The following RIMS4 variants were observed in gnomAD, a reference collection of about 807,000 sequenced individuals.
RIMS4 encodes regulating synaptic membrane exocytosis 4.
RIMS4 carries 9 observed loss-of-function variants against 29.0 expected under a neutral mutation model. The observed-to-expected ratio is 0.31, with a 90% CI of 0.19 to 0.54. The LOEUF (loss-of-function observed/expected upper bound fraction) is 0.54, where lower values mean the gene tolerates loss of function less well. Among genes scored for constraint, RIMS4 ranks in the 20% least tolerant of loss-of-function variants. RIMS4 has a pLI of 0.94. For missense variants in RIMS4, 193 were observed against 365.7 expected (o/e 0.53, Z 3.85); for synonymous variants, 130 against 152.9 (o/e 0.85, Z 1.10).
intron 1 of RIMS4, among the ~76,000 whole-genome samples, chr20:44,801,962 G>T (rs554070285): frequency 4.6e-5 from 7 of 152,186 alleles, no homozygotes; most frequent in Non-Finnish European, 8.8e-5. Context: ...AGGGTCCCTG[G>T]ATCAGTACCA....
chr20:44,788,186 C>T (rs1432474973), intron 1 of RIMS4, among the ~76,000 whole-genome samples: 1 of 152,176 alleles, frequency 6.6e-6, no homozygotes, highest in Non-Finnish European at 1.5e-5. Context: ...CTCAAGGTCT[C>T]ACAGCTCAGC....
At chr20:44,776,099 C>G (rs1188704006) in intron 1 of RIMS4, among the ~76,000 whole-genome samples, 8 of 151,844 alleles carry the variant, frequency 5.3e-5, no homozygotes, top group African/African-American at 1.9e-4. Flanking sequence ...GGCAACATAG[C>G]GAAACCCCAC....
intron 1 of RIMS4, among the ~76,000 whole-genome samples, chr20:44,799,680 G>A (rs1321688452): frequency 3.3e-5 from 5 of 152,202 alleles, no homozygotes; most frequent in African/African-American, 1.2e-4. Flanking sequence ...TGGAGATAAA[G>A]GCAGCAAACT....
intron 1 of RIMS4, among the ~76,000 whole-genome samples, chr20:44,803,411 T>C (rs952457398): frequency 6.6e-6 from 1 of 152,102 alleles, no homozygotes; most frequent in African/African-American, 2.4e-5. Flanking sequence ...AGACTTCCAG[T>C]CTTGGAAAGC....
At chr20:44,758,916 G>A (rs1046369028) in intron 2 of RIMS4, among the ~76,000 whole-genome samples, 4 of 152,202 alleles carry the variant, frequency 2.6e-5, no homozygotes, top group African/African-American at 9.7e-5. Context: ...CATTGTGTGA[G>A]CTCCTGGATC....
Position 44,756,770 on chromosome 20 carries a change from C to T in RIMS4, c.591+128G>A. On this transcript the variant is annotated intron_variant, in intron 5 of 5. Coordinates refer to ENST00000372851, the MANE Select transcript of RIMS4 (RefSeq NM_182970.4). The surrounding 1 kb of genome is among the most constrained non-coding windows in gnomAD (Gnocchi z 5.9). ...CAGTTCAGCCACAGTGAACTGAGGG[C>T]CTCGCCTGTTTCCTCCAGGCGAGGC... 2.6e-6 allele frequency: 2 copies of T among 764,718 alleles called. No individual in the cohort carries two copies. Among genetic ancestry groups the T allele is most frequent in the Non-Finnish European group, 4.1e-6 (2 of 489,248 alleles). The allele number at this position is 764,718 out of a possible 1,614,324, so 47.4% of individuals were successfully genotyped here.
In RIMS4 at chr20:44,796,172, C is replaced by T. The variant is rs543160782; in HGVS notation, c.97+14003G>A. ...GAGCTGTCCCCCTCCCTGTGCCCCC[C>T]ACCCAACATGTCAGTTCTCCCTGCT... On this transcript the variant is annotated intron_variant, in intron 1 of 5. Transcript: ENST00000372851. 3.0e-4 allele frequency among the ~76,000 whole-genome samples: 45 copies of T among 151,958 alleles called. 1 individual carries two copies. The South Asian group carries it at 8.9e-3, about 30-fold the overall frequency.
intron 1 of RIMS4, among the ~76,000 whole-genome samples, chr20:44,794,084 G>A (rs2057391266): frequency 6.6e-6 from 1 of 152,126 alleles, no homozygotes; most frequent in South Asian, 2.1e-4. Context: ...AATAAAGGCA[G>A]GAATGAGACA....
intron 1 of RIMS4, among the ~76,000 whole-genome samples, chr20:44,789,542 C>T (rs1413581357): frequency 2.0e-5 from 3 of 152,102 alleles, no homozygotes; most frequent in Non-Finnish European, 4.4e-5. Flanking sequence ...GTGATCCGCC[C>T]GTCATCACAA....
At chr20:44,800,121 A>C (rs1048596301) in intron 1 of RIMS4, among the ~76,000 whole-genome samples, 1 of 152,184 alleles carries the variant, frequency 6.6e-6, no homozygotes, top group Non-Finnish European at 1.5e-5. Flanking sequence ...TACTTTCACC[A>C]TGCTATACTG....
Position 44,755,889 on chromosome 20 carries a change from T to C in RIMS4, c.*245A>G. The C allele has an allele frequency of 2.0e-6, 1 of 494,722 alleles. No individual in the cohort carries two copies. Among genetic ancestry groups the C allele is most frequent in the Non-Finnish European group, 3.6e-6 (1 of 275,344 alleles). 30.6% of individuals were successfully genotyped at this position (494,722 alleles called of 1,614,324 possible). On this transcript the variant is annotated 3_prime_UTR_variant, in exon 6 of 6. Transcript: ENST00000372851. ...TTCCTTTCTCTGGACTGCAGCCACA[T>C]CCACCAGGTCAAGAACCGGCCAAGT...
At chr20:44,787,277 C>T (rs1307518205) in intron 1 of RIMS4, among the ~76,000 whole-genome samples, 1 of 152,042 alleles carries the variant, frequency 6.6e-6, no homozygotes, top group East Asian at 1.9e-4. Context: ...TCACACCAAG[C>T]TGGCATACAA....
intron 1 of RIMS4, among the ~76,000 whole-genome samples, chr20:44,778,194 C>T (rs2066168832): frequency 6.6e-6 from 1 of 152,224 alleles, no homozygotes; most frequent in Non-Finnish European, 1.5e-5. Context: ...GTGGAGGAAG[C>T]ACAACCCTGA....
intron 4 of RIMS4, 39 bp from the exon 5 acceptor site, chr20:44,757,076 C>T: frequency 1.2e-6 from 2 of 1,601,108 alleles, no homozygotes; most frequent in South Asian, 2.2e-5. Flanking sequence ...TCTAGTTTGG[C>T]CCTCAAATGG....
chr20:44,772,726 C>T (rs2066142466), intron 1 of RIMS4, among the ~76,000 whole-genome samples: 1 of 152,174 alleles, frequency 6.6e-6, no homozygotes, highest in African/African-American at 2.4e-5. Context: ...CAGACATGGG[C>T]TGATTCCCAA....
chr20:44,779,520 C>A (rs546755949), intron 1 of RIMS4, among the ~76,000 whole-genome samples: 86 of 152,232 alleles, frequency 5.6e-4, no homozygotes, highest in Non-Finnish European at 9.7e-4. Flanking sequence ...CATCTGGCTT[C>A]TTTTACCCAA....
rs922130678 is a variant in RIMS4 at position 44,782,798 on chromosome 20, G to A, written c.98-11385C>T. ...GAAATATGGCCTCTAACAGACAGAT[G>A]CTGCCAAACATGTAGGGGAGGCAAG... On this transcript the variant is annotated intron_variant, in intron 1 of 5. Coordinates refer to ENST00000372851, the MANE Select transcript of RIMS4 (RefSeq NM_182970.4). Among the ~76,000 whole-genome samples the A allele has an allele frequency of 3.9e-5, 6 of 152,312 alleles. No individual in the cohort carries two copies. In the East Asian group the frequency reaches 9.6e-4, roughly 24 times the overall value.
chr20:44,791,945 C>G (rs1012576032), intron 1 of RIMS4, among the ~76,000 whole-genome samples: 2 of 152,132 alleles, frequency 1.3e-5, no homozygotes, highest in African/African-American at 2.4e-5. Context: ...CCCACTGAGA[C>G]GTAAATAAAC....
chr20:44,790,674 T>G (rs2066229020), intron 1 of RIMS4, among the ~76,000 whole-genome samples: 2 of 152,156 alleles, frequency 1.3e-5, no homozygotes, highest in African/African-American at 4.8e-5. Context: ...CTTGCTCTGC[T>G]CCATGAAGGA....
Sources: allele counts gnomAD v4.1 joint callset (sites outside exome capture counted in the v4.1 genomes callset), GRCh38; gene constraint gnomAD v4.1.1; non-coding constraint Gnocchi (gnomAD v3.1); transcripts MANE v1.5; gene names NCBI Gene and HGNC (gene_info 2026-07-23, HGNC 2026-07-21).